The following HEPHL1 variants were observed in gnomAD, a reference collection of about 807,000 sequenced individuals.
HEPHL1 encodes ferroxidase HEPHL1.
Under a neutral mutation model 122.0 loss-of-function variants are expected in HEPHL1, and 123 were observed. That is an observed-to-expected ratio of 1.01 (90% CI 0.87 to 1.17). The LOEUF is 1.17. HEPHL1 is among the 50% of genes most tolerant of loss of function. The pLI, the probability that HEPHL1 is intolerant of heterozygous loss-of-function variation, is 0.00. For missense variants in HEPHL1, 1,452 were observed against 1,430.5 expected, an observed-to-expected ratio of 1.01 and a Z score of -0.24; for synonymous variants, 527 against 508.9, an observed-to-expected ratio of 1.04 and a Z score of -0.48.
At chr11:94,103,541 A>C (rs894521562) in intron 15 of HEPHL1, among the ~76,000 whole-genome samples, 1 of 152,224 alleles carries the variant, frequency 6.6e-6, no homozygotes, top group Non-Finnish European at 1.5e-5. Flanking sequence ...CACTCTAAAC[A>C]TAGTAACTGA....
intron 1 of HEPHL1, among the ~76,000 whole-genome samples, chr11:94,026,163 A>ATTGC (rs1056369051): frequency 1.3e-5 from 2 of 152,122 alleles, no homozygotes; most frequent in Non-Finnish European, 2.9e-5. Context: ...TGGTCACAAG[A>ATTGC]TTGCTGTTGG....
intron 2 of HEPHL1, among the ~76,000 whole-genome samples, chr11:94,060,479 A>C (rs981769010): frequency 1.3e-5 from 2 of 152,170 alleles, no homozygotes; most frequent in Admixed American, 1.3e-4. Flanking sequence ...TGCTTTATAG[A>C]TATCATATCC....
intron 10 of HEPHL1, among the ~76,000 whole-genome samples, chr11:94,084,546 A>G (rs1648400659): frequency 6.6e-6 from 1 of 152,106 alleles, no homozygotes; most frequent in South Asian, 2.1e-4. Flanking sequence ...ATGGTGCACA[A>G]TGCTTTGTGT....
rs1172336539 is a variant in HEPHL1 at position 94,106,055 on chromosome 11, CTG to C, written c.2971_2972del (p.Trp991ValfsTer8). 3 of 1,599,784 alleles carry C rather than the reference CTG, an allele frequency of 1.9e-6. No homozygotes were observed. The Admixed American group carries it at 5.0e-5, about 27-fold the overall frequency. On this transcript the variant is annotated frameshift_variant, in exon 17 of 20. Transcript: ENST00000315765. LOFTEE classifies it high-confidence loss of function. Reference protein sequence around the residue: ...LIMNEDTMTNWYLLGIGSEVD... With the variant: ...LIMNEDTMTNXYLLGIGSEVD... Reference sequence around the variant, plus strand: ...TAATGAACGAAGATACAATGACAAACTGGTATTTGTTAGGGATAGGAAGTGAA... The same window carrying C: ...TAATGAACGAAGATACAATGACAAACGTATTTGTTAGGGATAGGAAGTGAA...
intron 1 of HEPHL1, 150 bp downstream of exon 1, chr11:94,021,688 T>C: frequency 1.6e-6 from 1 of 623,794 alleles, no homozygotes; most frequent in Non-Finnish European, 2.8e-6. Flanking sequence ...AGAGCCCTAG[T>C]ATGGATGGGT....
At chr11:94,105,364 T>C (rs1946399928) in intron 16 of HEPHL1, among the ~76,000 whole-genome samples, 1 of 152,200 alleles carries the variant, frequency 6.6e-6, no homozygotes, top group African/African-American at 2.4e-5. Flanking sequence ...AGTTTTGCTT[T>C]CTTCTCCTAA....
At chr11:94,091,615 T>G (rs555015050) in intron 12 of HEPHL1, among the ~76,000 whole-genome samples, 1 of 152,144 alleles carries the variant, frequency 6.6e-6, no homozygotes, top group African/African-American at 2.4e-5. Flanking sequence ...TCCTGGTCCA[T>G]GGTAAGACTT....
rs368235624 is a variant in HEPHL1 at position 94,042,659 on chromosome 11, G to T, written c.171-3014G>T. ...CAAACACCGCATATTCTCACTCATA[G>T]GTGGGAATTGAACAATGAGATCACA... On this transcript the variant is annotated intron_variant, in intron 1 of 19. Transcript: ENST00000315765. Among the ~76,000 whole-genome samples, 192 of 147,734 alleles carry T rather than the reference G, an allele frequency of 1.3e-3. 4 individuals are homozygous for T. The South Asian group carries it at 0.04, about 30-fold the overall frequency.
intron 2 of HEPHL1, among the ~76,000 whole-genome samples, chr11:94,058,344 G>A (rs749175209): frequency 4.6e-5 from 7 of 152,102 alleles, no homozygotes; most frequent in Non-Finnish European, 1.0e-4. Flanking sequence ...AGAATTTGCT[G>A]ACTTCTTTGC....
chr11:94,075,480 G>A (rs924861930), intron 9 of HEPHL1, 95 bp downstream of exon 9: 51 of 868,986 alleles, frequency 5.9e-5, no homozygotes, highest in South Asian at 9.7e-5. Context: ...GTTACAAAAA[G>A]CAATTTGTCT....
intron 1 of HEPHL1, among the ~76,000 whole-genome samples, chr11:94,034,395 G>A (rs1185726884): frequency 6.6e-6 from 1 of 152,194 alleles, no homozygotes; most frequent in Non-Finnish European, 1.5e-5. Context: ...TTTGAAGTAG[G>A]AGCTGCTTTG....
chr11:94,103,117 T>C (rs548607531), intron 15 of HEPHL1, 97 bp downstream of exon 15: 9 of 735,064 alleles, frequency 1.2e-5, no homozygotes, highest in Admixed American at 6.5e-5. Context: ...TGAAAGCGTA[T>C]AATGATTTAG....
intron 1 of HEPHL1, among the ~76,000 whole-genome samples, chr11:94,032,780 CTG>C (rs1450669222): frequency 6.6e-6 from 1 of 152,152 alleles, no homozygotes; most frequent in East Asian, 1.9e-4. Flanking sequence ...AAACCTGAAA[CTG>C]GTGATCAGCA....
rs1427432953 is a variant in HEPHL1 at position 94,112,805 on chromosome 11, T to A, written c.*911T>A. 1 of 152,212 alleles carries A rather than the reference T, an allele frequency of 6.6e-6. No individual in the cohort carries two copies. The highest frequency in any genetic ancestry group is 1.5e-5 in the Non-Finnish European group (1 of 68,022). The allele number at this position is 152,212 out of a possible 1,614,324, so 9.4% of individuals were successfully genotyped here. A position where few individuals can be genotyped will look rare whatever the true frequency, so the allele number is the denominator to read the frequency against. On this transcript the variant is annotated 3_prime_UTR_variant, in exon 20 of 20. Transcript: ENST00000315765. Reference sequence around the variant, plus strand: ...TGCAGGAGGCAAGTCTGGGCTTGAATTTGGAGTCTGATTTTTCATTCAGTT... The same window carrying A: ...TGCAGGAGGCAAGTCTGGGCTTGAAATTGGAGTCTGATTTTTCATTCAGTT...
In HEPHL1 at chr11:94,070,524, C is replaced by G; in HGVS notation, c.1214C>G (p.Pro405Arg). 6.2e-7 allele frequency: 1 copy of G among 1,610,024 alleles called. No homozygotes were observed. The highest frequency in any genetic ancestry group is 8.5e-7 in the Non-Finnish European group (1 of 1,177,994). The stretch of plus-strand genomic sequence containing the variant: ...GGCTATAACAAATTCAGTGGTCTTC[C>G]TCTAAACGCCTCTGGCAGGTAAGCA... ...PQGYNKFSGL[P>R]LNASGSDSDL... is the part of the protein sequence containing the mutation. Residue 405 changes from proline to arginine, a missense_variant, in exon 6 of 20, where the codon CCT becomes CGT. Transcript: ENST00000315765.
chr11:94,083,270 G>C (rs542672110), intron 10 of HEPHL1, among the ~76,000 whole-genome samples: 1 of 152,272 alleles, frequency 6.6e-6, no homozygotes, highest in African/African-American at 2.4e-5. Context: ...TAATTAAGTA[G>C]TATGAGTGAC....
At chr11:94,035,430 C>T (rs1335692452) in intron 1 of HEPHL1, among the ~76,000 whole-genome samples, 1 of 152,228 alleles carries the variant, frequency 6.6e-6, no homozygotes, top group Non-Finnish European at 1.5e-5. Flanking sequence ...GAATGGCTTT[C>T]AAGCTTACCC....
intron 1 of HEPHL1, among the ~76,000 whole-genome samples, chr11:94,024,922 G>A (rs1380419874): frequency 6.6e-6 from 1 of 152,120 alleles, no homozygotes; most frequent in African/African-American, 2.4e-5. Flanking sequence ...TGAAGTAAAA[G>A]CTAATCACCT....
intron 1 of HEPHL1, among the ~76,000 whole-genome samples, chr11:94,043,910 G>T (rs1252038086): frequency 6.6e-6 from 1 of 151,932 alleles, no homozygotes; most frequent in Non-Finnish European, 1.5e-5. Context: ...GGTACTGATG[G>T]CAGGGCTTGG....
Sources: gnomAD v4.1 joint callset for allele counts (sites outside exome capture counted in the v4.1 genomes callset) on GRCh38, gnomAD v4.1.1 for gene constraint, MANE v1.5 for transcripts, NCBI Gene and HGNC (gene_info 2026-07-23, HGNC 2026-07-21) for gene names.